Variants in SLC2A13 observed in about 807,000 individuals in gnomAD.
SLC2A13 encodes the protein solute carrier family 2 member 13.
In SLC2A13, 32 loss-of-function variants were observed where a neutral mutation model predicts 64.4. The ratio of observed to expected loss-of-function variants is 0.50; its 90% confidence interval spans 0.37 to 0.67. The LOEUF (loss-of-function observed/expected upper bound fraction) is 0.67. Among genes scored for constraint, SLC2A13 ranks in the 30% least tolerant of loss-of-function variants. The pLI, the probability that SLC2A13 is intolerant of heterozygous loss-of-function variation, is 0.00. For missense variants in SLC2A13, 743 were observed against 829.2 expected (o/e 0.90, Z 1.28); for synonymous variants, 338 against 327.1 (o/e 1.03, Z -0.36).
chr12:39,975,628 C>T (rs924275565), intron 3 of SLC2A13, among the ~76,000 whole-genome samples: 3 of 152,180 alleles, frequency 2.0e-5, no homozygotes, highest in Non-Finnish European at 4.4e-5. Context: ...TAAGATTTCC[C>T]AGAAGGAACT....
At chr12:39,943,630 G>C (rs896108018) in intron 4 of SLC2A13, among the ~76,000 whole-genome samples, 4 of 152,158 alleles carry the variant, frequency 2.6e-5, no homozygotes, top group African/African-American at 9.7e-5. Flanking sequence ...ATCCCAGGTC[G>C]ATTTCAGACT....
In SLC2A13 at chr12:39,998,300, G is replaced by A. The variant is rs143691255; in HGVS notation, c.925+30001C>T. Among the ~76,000 whole-genome samples, 406 of 152,326 alleles carry A rather than the reference G, an allele frequency of 2.7e-3. 1 individual carries two copies. Among genetic ancestry groups the A allele is most frequent in the African/African-American group, 9.3e-3 (388 of 41,566 alleles). ...ATTCAGGAATGGAAAACCAAACATCGTATGCTGTCACACATAAGTGGGAGC... is the reference window on the plus strand; with the variant it reads ...ATTCAGGAATGGAAAACCAAACATCATATGCTGTCACACATAAGTGGGAGC... On this transcript the variant is annotated intron_variant, in intron 3 of 9. Coordinates refer to ENST00000280871, the MANE Select transcript of SLC2A13 (RefSeq NM_052885.4).
chr12:39,854,101 C>CAA (rs565320614), intron 6 of SLC2A13, among the ~76,000 whole-genome samples: 1 of 137,156 alleles, frequency 7.3e-6, no homozygotes, highest in Non-Finnish European at 1.6e-5. Context: ...TTGACATAAG[C>CAA]AAAAAAAAAA....
At chr12:39,906,680 A>G (rs995769058) in intron 4 of SLC2A13, among the ~76,000 whole-genome samples, 6 of 152,150 alleles carry the variant, frequency 3.9e-5, no homozygotes, top group African/African-American at 1.4e-4. Flanking sequence ...AGAAAATCTC[A>G]GTTGCATTAT....
chr12:39,959,032 A>C (rs1946364223), intron 3 of SLC2A13, among the ~76,000 whole-genome samples: 1 of 152,150 alleles, frequency 6.6e-6, no homozygotes, highest in African/African-American at 2.4e-5. Context: ...TGATGAATAT[A>C]AGGAATAAAA....
At chr12:40,087,777 G>A (rs1938631337) in intron 1 of SLC2A13, among the ~76,000 whole-genome samples, 1 of 151,968 alleles carries the variant, frequency 6.6e-6, no homozygotes. Flanking sequence ...ACCATGAAGT[G>A]GATAAAGCTG....
chr12:40,055,882 A>G (rs1269385673), intron 1 of SLC2A13, among the ~76,000 whole-genome samples: 1 of 151,992 alleles, frequency 6.6e-6, no homozygotes, highest in Non-Finnish European at 1.5e-5. Context: ...AACTTCCTAC[A>G]TAAGCTAGGC....
intron 1 of SLC2A13, among the ~76,000 whole-genome samples, chr12:40,074,699 A>AT (rs1182272447): frequency 2.0e-5 from 3 of 152,098 alleles, no homozygotes; most frequent in Middle Eastern, 6.8e-3. Flanking sequence ...CCTTCAGCCC[A>AT]TTTTTCCCCC....
intron 4 of SLC2A13, among the ~76,000 whole-genome samples, chr12:39,889,529 CTTTTTTTTTTT>C (rs56189217): frequency 8.3e-6 from 1 of 119,864 alleles, no homozygotes; most frequent in African/African-American, 3.0e-5. Flanking sequence ...GGTAAACAAC[CTTTTTTTTTTT>C]TTTTTTTTTT....
At chr12:39,936,825 T>C (rs1205582287) in intron 4 of SLC2A13, among the ~76,000 whole-genome samples, 2 of 152,152 alleles carry the variant, frequency 1.3e-5, no homozygotes, top group Non-Finnish European at 2.9e-5. Context: ...TTAGGCATAC[T>C]GAGACTGGTG....
intron 3 of SLC2A13, among the ~76,000 whole-genome samples, chr12:39,975,531 A>G (rs1027438555): frequency 6.6e-6 from 1 of 152,222 alleles, no homozygotes; most frequent in African/African-American, 2.4e-5. Context: ...AAATTTCTCC[A>G]TGGCAAGCCC....
At chr12:39,873,277 C>T (rs1944102901) in intron 4 of SLC2A13, among the ~76,000 whole-genome samples, 1 of 152,128 alleles carries the variant, frequency 6.6e-6, no homozygotes, top group Admixed American at 6.5e-5. Flanking sequence ...AAGAGAAATT[C>T]CCAGTGGAAT....
chr12:40,026,970 C>T (rs925500232), intron 3 of SLC2A13, among the ~76,000 whole-genome samples: 1 of 152,014 alleles, frequency 6.6e-6, no homozygotes, highest in Admixed American at 6.5e-5. Context: ...ATCCCAGCTA[C>T]TCGGGAGGCC....
intron 4 of SLC2A13, among the ~76,000 whole-genome samples, chr12:39,915,858 C>T (rs1945513090): frequency 6.6e-6 from 1 of 151,800 alleles, no homozygotes; most frequent in African/African-American, 2.4e-5. Context: ...ACATAAAGAG[C>T]TCAATGCCTG....
At chr12:39,885,399 C>T (rs536763841) in intron 4 of SLC2A13, among the ~76,000 whole-genome samples, 8 of 152,178 alleles carry the variant, frequency 5.3e-5, no homozygotes, top group African/African-American at 1.7e-4. Flanking sequence ...AGTCATCTAA[C>T]ATGTAAGAAG....
intron 3 of SLC2A13, among the ~76,000 whole-genome samples, chr12:40,000,311 A>G (rs1328938955): frequency 7.1e-6 from 1 of 141,284 alleles, no homozygotes; most frequent in African/African-American, 2.7e-5. Flanking sequence ...AACAACAACA[A>G]CAGCAACAAA....
intron 4 of SLC2A13, among the ~76,000 whole-genome samples, chr12:39,885,293 T>C (rs1944441008): frequency 6.6e-6 from 1 of 151,970 alleles, no homozygotes; most frequent in Non-Finnish European, 1.5e-5. Flanking sequence ...AATGCTTTCA[T>C]CTCCCGATGA....
intron 1 of SLC2A13, among the ~76,000 whole-genome samples, chr12:40,053,207 G>A (rs903698767): frequency 2.8e-4 from 43 of 150,990 alleles, no homozygotes; most frequent in African/African-American, 9.8e-4. Context: ...GCTTGAACCC[G>A]GGAGGCGGAG....
intron 7 of SLC2A13, among the ~76,000 whole-genome samples, chr12:39,794,873 C>G (rs935518536): frequency 1.3e-5 from 2 of 152,162 alleles, no homozygotes; most frequent in Non-Finnish European, 2.9e-5. Context: ...AAATTAAATT[C>G]TCTTCTGAAG....
Sources: gnomAD v4.1 joint callset for allele counts (sites outside exome capture counted in the v4.1 genomes callset) on GRCh38, gnomAD v4.1.1 for gene constraint, MANE v1.5 for transcripts, NCBI Gene and HGNC (gene_info 2026-07-23, HGNC 2026-07-21) for gene names.